HNRNPC: variants seen among roughly 807,000 people sequenced by gnomAD.
HNRNPC encodes heterogeneous nuclear ribonucleoprotein C, also known as heterogeneous nuclear ribonucleoproteins C1/C2.
Under a neutral mutation model 33.2 loss-of-function variants are expected in HNRNPC, and 3 were observed. The ratio of observed to expected loss-of-function variants is 0.09; its 90% CI spans 0.04 to 0.23. HNRNPC has a LOEUF of 0.23. Among genes scored for constraint, HNRNPC ranks in the 10% least tolerant of loss-of-function variants. The probability of loss-of-function intolerance (pLI) is 1.00; values close to 1 mark genes in which losing one functional copy is unlikely to be tolerated. For missense variants in HNRNPC, 143 were observed against 366.7 expected (o/e 0.39, Z 4.98); for synonymous variants, 121 against 126.7 (o/e 0.96, Z 0.30).
chr14:21,225,126 T>C (rs1893270403), intron 5 of HNRNPC, among the ~76,000 whole-genome samples: 1 of 151,932 alleles, frequency 6.6e-6, no homozygotes, highest in African/African-American at 2.4e-5. Flanking sequence ...GTTCTCCAAA[T>C]AAGAATTAAA....
In HNRNPC at chr14:21,211,563, T is replaced by G. The variant is rs1891604325; in HGVS notation, c.641A>C (p.Glu214Ala). 6.2e-7 allele frequency: 1 copy of G among 1,607,070 alleles called. No individual in the cohort carries two copies. The part of the protein sequence containing the change: ...IEKEQSKQAV[E>A]MKNDKSEEEQ... Reference sequence around the variant, plus strand: ...CTCTTCTGACTTATCATTCTTCATCTCTACTGCGGATGAGAAGGACAAGTC... The same window carrying G: ...CTCTTCTGACTTATCATTCTTCATCGCTACTGCGGATGAGAAGGACAAGTC... Residue 214 changes from glutamate to alanine, a missense_variant, in exon 8 of 9, where the codon GAG (glutamate) becomes GCG (alanine). By Grantham distance (107) the Glu-to-Ala change is moderately radical. Around this residue, in one of 2 missense-constraint regions of HNRNPC, gnomAD observed 131 missense variants for 253.0 expected, o/e 0.52. Coordinates refer to ENST00000553300, the MANE Select transcript of HNRNPC (RefSeq NM_004500.4).
intron 2 of HNRNPC, among the ~76,000 whole-genome samples, chr14:21,246,561 C>T (rs962303023): frequency 4.9e-5 from 7 of 143,256 alleles, no homozygotes; most frequent in African/African-American, 1.9e-4. Flanking sequence ...AGTGAGACTC[C>T]GTCTCAAAAA....
intron 5 of HNRNPC, among the ~76,000 whole-genome samples, chr14:21,219,276 A>C (rs1225814043): frequency 6.6e-6 from 1 of 152,202 alleles, no homozygotes; most frequent in Non-Finnish European, 1.5e-5. Context: ...ATTTCAGAGA[A>C]CTGGGAACTA....
In HNRNPC at chr14:21,209,568, T is replaced by C. The variant is rs1002843375; in HGVS notation, c.*1655A>G. On this transcript the variant is annotated 3_prime_UTR_variant, in exon 9 of 9. Transcript: ENST00000553300. ...CATACAAAAGAAATTGCCTATATCA[T>C]GTATATGGGCTCCAAGGGTAGTTCA... 1.4e-4 allele frequency: 21 copies of C among 152,220 alleles called. No homozygotes were observed. The highest frequency in any genetic ancestry group is 5.1e-4 in the African/African-American group (21 of 41,474). 9.4% of individuals were successfully genotyped at this position (152,220 alleles called of 1,614,324 possible).
chr14:21,255,197 A>C (rs1302120304), intron 2 of HNRNPC, among the ~76,000 whole-genome samples: 2 of 152,332 alleles, frequency 1.3e-5, no homozygotes, highest in Admixed American at 1.3e-4. Context: ...AAACTCCTAA[A>C]TGTTATTCAA....
chr14:21,211,332 T>G (rs373870149), intron 8 of HNRNPC, 26 bp from the exon 9 acceptor site: 3 of 1,613,596 alleles, frequency 1.9e-6, no homozygotes, highest in Non-Finnish European at 2.5e-6. Context: ...ACAAACAGGA[T>G]GGAGTTAGAG....
chr14:21,256,766 T>C (rs1274887685), intron 2 of HNRNPC, among the ~76,000 whole-genome samples: 1 of 151,994 alleles, frequency 6.6e-6, no homozygotes, highest in Non-Finnish European at 1.5e-5. Flanking sequence ...GCGATTCTCA[T>C]GCCTGTCTCT....
intron 2 of HNRNPC, among the ~76,000 whole-genome samples, chr14:21,259,414 G>A (rs1566645627): frequency 6.6e-6 from 1 of 152,062 alleles, no homozygotes; most frequent in Non-Finnish European, 1.5e-5. Context: ...GACATGTTTT[G>A]TTCATCCCTA....
intron 6 of HNRNPC, 83 bp downstream of exon 6, chr14:21,212,876 TG>T: frequency 6.6e-7 from 1 of 1,524,384 alleles, no homozygotes; most frequent in Admixed American, 1.7e-5. Flanking sequence ...CAAAGTCATG[TG>T]GCACAAAAAT....
At chr14:21,249,508 A>G (rs1365889291) in intron 2 of HNRNPC, among the ~76,000 whole-genome samples, 1 of 149,730 alleles carries the variant, frequency 6.7e-6, no homozygotes, top group African/African-American at 2.5e-5. Context: ...AATTGCTTGA[A>G]CCGGGAAGCA....
At chr14:21,223,197 C>T (rs1209662530) in intron 5 of HNRNPC, among the ~76,000 whole-genome samples, 1 of 152,054 alleles carries the variant, frequency 6.6e-6, no homozygotes, top group Non-Finnish European at 1.5e-5. Context: ...CAGGGTGAGA[C>T]TCCATCTCAA....
At position 21,212,989 on chromosome 14, in the gene HNRNPC, C is replaced by A; in HGVS notation, c.494G>T (p.Gly165Val). ...TCCAGACTTGGAAGATCCCCGCTGT[C>A]CACTCTTAGAATTGAAGCCACTTTT... ...RGKSGFNSKS[G>V]QRGSSKSGKL... The change falls in exon 6 of 9, where the codon GGA becomes GTA. Residue 165 changes from glycine (G) to valine (V), a missense_variant. Transcript: ENST00000553300. The A allele has an allele frequency of 6.2e-7, 1 of 1,613,966 alleles. No homozygotes were observed. The highest frequency in any genetic ancestry group is 8.5e-7 in the Non-Finnish European group (1 of 1,179,858).
In HNRNPC at chr14:21,237,150, A is replaced by G. The variant is rs542648173; in HGVS notation, c.-36-2921T>C. On this transcript the variant is annotated intron_variant, in intron 2 of 8. Coordinates refer to ENST00000553300, the MANE Select transcript of HNRNPC (RefSeq NM_004500.4). ...GGTGCAAGAGCAGTTGCATCCCTGT[A>G]AAGTCTCATAAGTAAACAAACCCTA... 5.3e-5 allele frequency among the ~76,000 whole-genome samples: 8 copies of G among 152,344 alleles called. No homozygotes were observed. The East Asian group carries it at 1.5e-3, about 29-fold the overall frequency.
At chr14:21,247,116 T>A (rs1346539065) in intron 2 of HNRNPC, among the ~76,000 whole-genome samples, 2 of 152,192 alleles carry the variant, frequency 1.3e-5, no homozygotes, top group East Asian at 1.9e-4. Flanking sequence ...ACCCCTTGTG[T>A]TAAGGGTCAA....
rs1349650883 is a variant in HNRNPC, at chr14:21,210,648, C to T, written c.*575G>A. On this transcript the variant is annotated 3_prime_UTR_variant, in exon 9 of 9. Transcript: ENST00000553300. The stretch of plus-strand genomic sequence containing the variant: ...TCACAAAAATAACCCACAGTATCAA[C>T]TTTAGAAAACAAATCTTAAGACTAT... 6.6e-6 allele frequency: 1 copy of T among 152,238 alleles called. No homozygotes were observed. Among genetic ancestry groups the T allele is most frequent in the African/African-American group, 2.4e-5 (1 of 41,318 alleles). The allele number at this position is 152,238 out of a possible 1,614,324, so 9.4% of individuals were successfully genotyped here. A position where few individuals can be genotyped will look rare whatever the true frequency, so the allele number is the denominator to read the frequency against.
At chr14:21,213,829 CTCACCTATG>C (rs1267892797) in intron 5 of HNRNPC, among the ~76,000 whole-genome samples, 2 of 152,318 alleles carry the variant, frequency 1.3e-5, no homozygotes, top group African/African-American at 4.8e-5. Flanking sequence ...TTGTTCACTA[CTCACCTATG>C]TCTAAATTCA....
intron 5 of HNRNPC, among the ~76,000 whole-genome samples, chr14:21,215,622 C>T (rs1205675850): frequency 6.6e-6 from 1 of 152,006 alleles, no homozygotes; most frequent in Non-Finnish European, 1.5e-5. Context: ...ATACACCAGC[C>T]AGGTGTGGAG....
At chr14:21,224,804 G>A (rs1187918498) in intron 5 of HNRNPC, among the ~76,000 whole-genome samples, 8 of 152,150 alleles carry the variant, frequency 5.3e-5, no homozygotes, top group Non-Finnish European at 1.2e-4. Context: ...TTTGTTACAT[G>A]TGTCATCTTT....
At chr14:21,233,667 CACAACCATTTAGGCAACGTTTTT>C (rs1424479265) in intron 3 of HNRNPC, among the ~76,000 whole-genome samples, 2 of 152,162 alleles carry the variant, frequency 1.3e-5, no homozygotes, top group Non-Finnish European at 2.9e-5. Flanking sequence ...GTGGGCAGGA[CACAACCATTTAGGCAACGTTTTT>C]ACATTGTGAA....
Sources: allele counts gnomAD v4.1 joint callset (sites outside exome capture counted in the v4.1 genomes callset), GRCh38; gene constraint gnomAD v4.1.1; regional missense constraint gnomAD v4.1.1; transcripts MANE v1.5; gene names NCBI Gene and HGNC (gene_info 2026-07-23, HGNC 2026-07-21).